Variants in ZSCAN5A observed in about 807,000 individuals in gnomAD.
ZSCAN5A encodes the protein zinc finger and SCAN domain containing 5A, also known as zinc finger and SCAN domain-containing protein 5A.
A neutral mutation model predicts 23.7 loss-of-function variants in ZSCAN5A; 12 were observed. The ratio of observed to expected loss-of-function variants is 0.51; its 90% CI spans 0.32 to 0.82. ZSCAN5A has a LOEUF of 0.82. Among genes scored for constraint, ZSCAN5A ranks in the 40% least tolerant of loss-of-function variants. The probability of loss-of-function intolerance (pLI) is 0.03; values close to 1 mark genes in which losing one functional copy is unlikely to be tolerated. For missense variants in ZSCAN5A, 597 were observed against 617.9 expected (o/e 0.97, Z 0.36); for synonymous variants, 257 against 239.9 (o/e 1.07, Z -0.66).
At chr19:56,280,369 G>T (rs1257612002) in intron 2 of ZSCAN5A, among the ~76,000 whole-genome samples, 4 of 152,050 alleles carry the variant, frequency 2.6e-5, no homozygotes, top group African/African-American at 9.7e-5. Context: ...CACTCAGGTT[G>T]TTTTCAGTAG....
chr19:56,281,712 CCTT>C (rs1427307075), intron 2 of ZSCAN5A: 1 of 985,212 alleles, frequency 1.0e-6, no homozygotes, highest in African/African-American at 1.7e-5. Flanking sequence ...AGTCATATCT[CCTT>C]CTCCCTACAT....
chr19:56,268,973 A>G (rs2037656834), intron 2 of ZSCAN5A, among the ~76,000 whole-genome samples: 1 of 152,182 alleles, frequency 6.6e-6, no homozygotes, highest in East Asian at 1.9e-4. Flanking sequence ...ATTTCTTTTT[A>G]CAGTTGAATA....
intron 2 of ZSCAN5A, among the ~76,000 whole-genome samples, chr19:56,258,885 C>T (rs2036922098): frequency 6.6e-6 from 1 of 152,126 alleles, no homozygotes; most frequent in Admixed American, 6.5e-5. Context: ...GGCCTCAGTT[C>T]CCCTCAGCTG....
At chr19:56,362,517 C>T (rs2041740205) in intron 2 of ZSCAN5A, among the ~76,000 whole-genome samples, 1 of 151,328 alleles carries the variant, frequency 6.6e-6, no homozygotes, top group Admixed American at 6.6e-5. Flanking sequence ...TGCAGTGAGC[C>T]GAGATTGCAC....
chr19:56,348,050 C>T (rs1202857565), intron 2 of ZSCAN5A: 1 of 152,248 alleles, frequency 6.6e-6, no homozygotes, highest in Non-Finnish European at 1.5e-5. Flanking sequence ...GATGGAATTG[C>T]CCCCAGAGGC....
intron 1 of ZSCAN5A, among the ~76,000 whole-genome samples, chr19:56,367,696 C>T (rs2041779898): frequency 6.6e-6 from 1 of 152,200 alleles, no homozygotes; most frequent in African/African-American, 2.4e-5. Flanking sequence ...AAATATTGTT[C>T]CGTGCACACA....
intron 2 of ZSCAN5A, among the ~76,000 whole-genome samples, chr19:56,358,543 T>G (rs2041712445): frequency 6.6e-6 from 1 of 152,076 alleles, no homozygotes; most frequent in Non-Finnish European, 1.5e-5. Context: ...TAGAAAGATA[T>G]TCAGGACTTG....
chr19:56,320,032 A>G, intron 2 of ZSCAN5A: 1 of 824,438 alleles, frequency 1.2e-6, no homozygotes, highest in South Asian at 1.3e-5. Flanking sequence ...CAATGGTAAT[A>G]AAGCCTTTCT....
rs150506840 is a variant in ZSCAN5A, at chr19:56,353,989, C to A, written c.-358+9246G>T. Among the ~76,000 whole-genome samples, 490 of 152,096 alleles carry A rather than the reference C, an allele frequency of 3.2e-3. 1 individual carries two copies. Among genetic ancestry groups the A allele is most frequent in the Non-Finnish European group, 5.5e-3 (374 of 67,998 alleles). On this transcript the variant is annotated intron_variant, in intron 2 of 6. Transcript: ENST00000587340. ...AGAGAGGAAGTTCTAATACATGGTA[C>A]CACATGGATGGACCTTGAGGGCACT...
At chr19:56,275,172 G>A (rs1363730060) in intron 2 of ZSCAN5A, among the ~76,000 whole-genome samples, 1 of 152,112 alleles carries the variant, frequency 6.6e-6, no homozygotes, top group East Asian at 1.9e-4. Context: ...TTCCCCCTTT[G>A]TAATTAATAA....
intron 2 of ZSCAN5A, chr19:56,322,404 T>C: frequency 1.5e-6 from 1 of 659,946 alleles, no homozygotes; most frequent in Non-Finnish European, 2.8e-6. Flanking sequence ...GGCCTACAAA[T>C]TTGTCCAGGA....
chr19:56,222,763 T>C, intron 4 of ZSCAN5A, 22 bp from the exon 5 acceptor site: 1 of 1,613,936 alleles, frequency 6.2e-7, no homozygotes, highest in Non-Finnish European at 8.5e-7. Context: ...AAACCAAGAG[T>C]AATGACTGCT....
intron 2 of ZSCAN5A, among the ~76,000 whole-genome samples, chr19:56,294,544 G>A (rs2039731996): frequency 6.6e-6 from 1 of 152,034 alleles, no homozygotes; most frequent in South Asian, 2.1e-4. Context: ...AGGCTTTCAG[G>A]GCCAGGTGGT....
At chr19:56,302,541 CCCCG>C (rs2040351680) in intron 2 of ZSCAN5A, among the ~76,000 whole-genome samples, 1 of 70,028 alleles carries the variant, frequency 1.4e-5, no homozygotes, top group East Asian at 6.7e-4. Context: ...TCTTCTTCCT[CCCCG>C]TTCCTCCCTC....
chr19:56,279,976 A>T (rs1405711460), intron 2 of ZSCAN5A, among the ~76,000 whole-genome samples: 1 of 152,176 alleles, frequency 6.6e-6, no homozygotes, highest in Non-Finnish European at 1.5e-5. Flanking sequence ...TTAAAATAAG[A>T]TTTCCAGGGT....
At chr19:56,283,794 T>C (rs1302163185) in intron 2 of ZSCAN5A, 1 of 152,190 alleles carries the variant, frequency 6.6e-6, no homozygotes, top group Non-Finnish European at 1.5e-5. Flanking sequence ...ATAGGGACAA[T>C]ATCTGATCTC....
At chr19:56,349,578 G>A (rs2041654654) in intron 2 of ZSCAN5A, among the ~76,000 whole-genome samples, 3 of 151,582 alleles carry the variant, frequency 2.0e-5, no homozygotes, top group Admixed American at 6.6e-5. Context: ...AGTGGTGGGC[G>A]CCTGTAGTCC....
intron 2 of ZSCAN5A, among the ~76,000 whole-genome samples, chr19:56,234,802 G>A (rs895278801): frequency 2.0e-5 from 3 of 152,160 alleles, no homozygotes; most frequent in African/African-American, 4.8e-5. Context: ...GACAGGAATT[G>A]CTCACTCGTG....
chr19:56,289,249 G>T (rs566871115), intron 2 of ZSCAN5A, among the ~76,000 whole-genome samples: 85 of 152,314 alleles, frequency 5.6e-4, no homozygotes, highest in Non-Finnish European at 1.1e-3. Context: ...TTGTAAGCTA[G>T]CTTCAGCACC....
Sources: allele counts gnomAD v4.1 joint callset (sites outside exome capture counted in the v4.1 genomes callset), GRCh38; gene constraint gnomAD v4.1.1; transcripts MANE v1.5; gene names NCBI Gene and HGNC (gene_info 2026-07-23, HGNC 2026-07-21).